The following MYH15 variants were observed in gnomAD, a reference collection of about 807,000 sequenced individuals.
MYH15 encodes myosin-15.
In MYH15, 227 loss-of-function variants were observed where a neutral mutation model predicts 240.5. That is an observed-to-expected ratio of 0.94 (90% CI 0.85 to 1.05). The LOEUF (loss-of-function observed/expected upper bound fraction) is 1.05. MYH15 is among the 50% of genes least tolerant of loss of function. The pLI, the probability that MYH15 is intolerant of heterozygous loss-of-function variation, is 0.00. For missense variants in MYH15, 2,217 were observed against 2,247.5 expected, an observed-to-expected ratio of 0.99 and a Z score of 0.27; for synonymous variants, 785 against 796.7, an observed-to-expected ratio of 0.99 and a Z score of 0.25.
At chr3:108,390,776 GT>G (rs1371309730) in intron 37 of MYH15, among the ~76,000 whole-genome samples, 24 of 152,066 alleles carry the variant, frequency 1.6e-4, no homozygotes, top group Admixed American at 6.5e-4. Flanking sequence ...AGACTGCTGA[GT>G]TTTTTTCTTT....
intron 40 of MYH15, among the ~76,000 whole-genome samples, chr3:108,382,325 A>G (rs1175702380): frequency 6.6e-6 from 1 of 152,194 alleles, no homozygotes; most frequent in African/African-American, 2.4e-5. Flanking sequence ...GAGTCTCTCA[A>G]TGATTCATAT....
chr3:108,493,276 G>T, intron 7 of MYH15, 99 bp from the exon 8 acceptor site: 2 of 703,660 alleles, frequency 2.8e-6, no homozygotes, highest in South Asian at 4.1e-5. Flanking sequence ...CTCTCAAAAG[G>T]ACTACTTCCC....
chr3:108,409,981 T>C (rs558980826), intron 31 of MYH15, among the ~76,000 whole-genome samples: 1 of 152,306 alleles, frequency 6.6e-6, no homozygotes, highest in South Asian at 2.1e-4. Context: ...ACAAGGTACG[T>C]GGGAAGGTTG....
chr3:108,401,417 C>T (rs2082505133), intron 33 of MYH15, among the ~76,000 whole-genome samples: 1 of 152,160 alleles, frequency 6.6e-6, no homozygotes, highest in Non-Finnish European at 1.5e-5. Context: ...GAAACCAAAC[C>T]TGCCAACACT....
chr3:108,420,654 G>T (rs1379955551), intron 28 of MYH15, among the ~76,000 whole-genome samples: 4 of 152,176 alleles, frequency 2.6e-5, no homozygotes, highest in African/African-American at 9.7e-5. Context: ...CAATCATACA[G>T]GCTCAGGTAG....
intron 25 of MYH15, among the ~76,000 whole-genome samples, chr3:108,432,551 C>A (rs547185905): frequency 3.3e-5 from 5 of 152,322 alleles, no homozygotes; most frequent in Admixed American, 1.3e-4. Context: ...TGTCAGAGGT[C>A]TTCACTACAG....
In MYH15 at chr3:108,439,267, C is replaced by A. The variant is rs1034928383; in HGVS notation, c.3075+470G>T. 7.2e-5 allele frequency among the ~76,000 whole-genome samples: 11 copies of A among 152,304 alleles called. No individual in the cohort carries two copies. The East Asian group carries it at 2.1e-3, about 29-fold the overall frequency. On this transcript the variant is annotated intron_variant, in intron 24 of 40. Transcript: ENST00000693548. ...ATCTCTAGAATCTTAAAAGTATTTT[C>A]CAATAGTGTAGGTAGAACACAACTT...
chr3:108,396,515 C>G (rs1056356114), intron 35 of MYH15, among the ~76,000 whole-genome samples: 2 of 152,198 alleles, frequency 1.3e-5, no homozygotes, highest in African/African-American at 4.8e-5. Flanking sequence ...AGCTCTCTCC[C>G]CTGCAGCTCA....
chr3:108,489,724 C>T lies in MYH15; in HGVS notation c.871+2776G>A, dbSNP rs142990361. Among the ~76,000 whole-genome samples the T allele has an allele frequency of 2.6e-3, 391 of 152,266 alleles. 2 individuals are homozygous for T. Among genetic ancestry groups the T allele is most frequent in the African/African-American group, 8.3e-3 (343 of 41,560 alleles). On this transcript the variant is annotated intron_variant, in intron 9 of 40. Coordinates refer to ENST00000693548, the MANE Select transcript of MYH15 (RefSeq NM_014981.3). ...TATTTCAGGATATGTGGACATCATC[C>T]TCATATCGTTAAGATATGCCCTCTT...
the MYH15 span, among the ~76,000 whole-genome samples, chr3:108,541,675 T>C: frequency 6.6e-6 from 1 of 152,108 alleles, no homozygotes; most frequent in Non-Finnish European, 1.5e-5. Context: ...GTACATACAC[T>C]TCAACTAAGT....
intron 37 of MYH15, among the ~76,000 whole-genome samples, chr3:108,389,851 A>G (rs1420781490): frequency 2.0e-5 from 3 of 152,102 alleles, no homozygotes; most frequent in African/African-American, 7.2e-5. Flanking sequence ...CTTGACGCCA[A>G]TGCCACCTTC....
At chr3:108,385,998 A>G (rs1169224121) in intron 38 of MYH15, among the ~76,000 whole-genome samples, 2 of 152,214 alleles carry the variant, frequency 1.3e-5, no homozygotes, top group African/African-American at 4.8e-5. Flanking sequence ...ATGAATATAT[A>G]TGAAAGAACC....
At chr3:108,464,904 A>G in intron 14 of MYH15, 90 bp from the exon 15 acceptor site, 2 of 1,157,772 alleles carry the variant, frequency 1.7e-6, no homozygotes, top group South Asian at 3.3e-5. Flanking sequence ...CAGGAACCTA[A>G]TCAGTTGACA....
At chr3:108,447,174 G>A (rs1028410192) in intron 21 of MYH15, among the ~76,000 whole-genome samples, 8 of 151,946 alleles carry the variant, frequency 5.3e-5, no homozygotes, top group Non-Finnish European at 1.2e-4. Context: ...TCATTTAGAG[G>A]AACAAAAATG....
chr3:108,520,116 G>A (rs1017279543), intron 1 of MYH15, among the ~76,000 whole-genome samples: 1 of 152,134 alleles, frequency 6.6e-6, no homozygotes, highest in Admixed American at 6.6e-5. Context: ...TCTGTTTCAA[G>A]ATTTAAGTCT....
intron 33 of MYH15, among the ~76,000 whole-genome samples, chr3:108,399,556 T>C (rs1182409229): frequency 5.9e-5 from 9 of 152,212 alleles, no homozygotes; most frequent in African/African-American, 2.4e-5. Flanking sequence ...GAGGCAGCTT[T>C]AGTCTTATCT....
In MYH15 at chr3:108,400,763, T is replaced by G. The variant is rs555379761; in HGVS notation, c.4737-1496A>C. ...GGCAGAGGTTGCAGTGAGCCAAGTT[T>G]GCACCACTGCACTCCAGCCTGGGCA... is the stretch of plus-strand genomic sequence containing the variant. On this transcript the variant is annotated intron_variant, in intron 33 of 40. Coordinates refer to ENST00000693548, the MANE Select transcript of MYH15 (RefSeq NM_014981.3). Among the ~76,000 whole-genome samples the G allele has an allele frequency of 2.0e-5, 3 of 152,090 alleles. No homozygotes were observed. In the South Asian group the frequency reaches 6.2e-4, roughly 32 times the overall value.
At chr3:108,526,311 T>C (rs2083670433) in intron 1 of MYH15, among the ~76,000 whole-genome samples, 1 of 152,190 alleles carries the variant, frequency 6.6e-6, no homozygotes, top group Non-Finnish European at 1.5e-5. Flanking sequence ...GAGCTTCTAT[T>C]AGTCTTCACT....
At chr3:108,510,222 G>T (rs897419582) in intron 1 of MYH15, among the ~76,000 whole-genome samples, 1 of 152,016 alleles carries the variant, frequency 6.6e-6, no homozygotes, top group Non-Finnish European at 1.5e-5. Context: ...TAGGGCCCGG[G>T]CCTAGACTGC....
Sources: gnomAD v4.1 joint callset for allele counts (sites outside exome capture counted in the v4.1 genomes callset) on GRCh38, gnomAD v4.1.1 for gene constraint, MANE v1.5 for transcripts, NCBI Gene and HGNC (gene_info 2026-07-23, HGNC 2026-07-21) for gene names.